TTLL11: variants seen among roughly 807,000 people sequenced by gnomAD.
The protein encoded by TTLL11 is tubulin tyrosine ligase like 11, also known as tubulin polyglutamylase TTLL11.
Under a neutral mutation model 51.7 loss-of-function variants are expected in TTLL11, and 42 were observed. The observed-to-expected ratio is 0.81, with a 90% CI of 0.64 to 1.05. TTLL11 has a LOEUF of 1.05. TTLL11 is among the 50% of genes least tolerant of loss of function. The probability of loss-of-function intolerance (pLI) is 0.00; values close to 1 mark genes in which losing one functional copy is unlikely to be tolerated. For missense variants in TTLL11, 799 were observed against 940.4 expected, an observed-to-expected ratio of 0.85 and a Z score of 1.97; for synonymous variants, 381 against 383.5, an observed-to-expected ratio of 0.99 and a Z score of 0.08.
intron 6 of TTLL11, among the ~76,000 whole-genome samples, chr9:121,896,728 A>T (rs1191324266): frequency 6.6e-6 from 1 of 151,966 alleles, no homozygotes; most frequent in Non-Finnish European, 1.5e-5. Context: ...AGGCGGGAGG[A>T]AGCACCTCCT....
At chr9:121,946,287 C>T (rs936856264) in intron 6 of TTLL11, among the ~76,000 whole-genome samples, 2 of 152,164 alleles carry the variant, frequency 1.3e-5, no homozygotes, top group Admixed American at 6.5e-5. Flanking sequence ...CCGACAGGAG[C>T]TGGGGAATGA....
At chr9:122,056,612 C>T (rs184181626) in intron 1 of TTLL11, among the ~76,000 whole-genome samples, 9 of 152,152 alleles carry the variant, frequency 5.9e-5, no homozygotes, top group Admixed American at 3.9e-4. Flanking sequence ...CATAGAACTG[C>T]GGTGATGATG....
chr9:122,046,654 CA>C (rs1444574113), intron 1 of TTLL11, among the ~76,000 whole-genome samples: 1 of 152,146 alleles, frequency 6.6e-6, no homozygotes, highest in Non-Finnish European at 1.5e-5. Flanking sequence ...ATCTGGTAGT[CA>C]TCTTTCCTTT....
At position 121,982,568 on chromosome 9, in the gene TTLL11, A is replaced by T. The variant is rs1026746073; in HGVS notation, c.1269+6627T>A. Among the ~76,000 whole-genome samples the T allele has an allele frequency of 2.6e-5, 4 of 152,016 alleles. No individual in the cohort carries two copies. In the South Asian group the frequency reaches 6.2e-4, roughly 24 times the overall value. On this transcript the variant is annotated intron_variant, in intron 4 of 8. Transcript: ENST00000321582. ...CCTGTCTCTACTAAAAATATTTTTT[A>T]AAAATTCTCTGGGCGTGGTGGCGGG...
intron 6 of TTLL11, among the ~76,000 whole-genome samples, chr9:121,917,587 GAA>G (rs1840382967): frequency 1.5e-5 from 2 of 132,426 alleles, no homozygotes; most frequent in Admixed American, 8.3e-5. Flanking sequence ...GGAAGGAAAA[GAA>G]GAGAGGGAAA....
intron 6 of TTLL11, among the ~76,000 whole-genome samples, chr9:121,949,258 G>A (rs1371411691): frequency 2.0e-5 from 3 of 152,130 alleles, no homozygotes; most frequent in African/African-American, 7.2e-5. Flanking sequence ...TTATGTACCA[G>A]GCTTGGGATA....
chr9:121,825,438 G>C (rs894572690), intron 8 of TTLL11, among the ~76,000 whole-genome samples: 6 of 152,174 alleles, frequency 3.9e-5, no homozygotes, highest in African/African-American at 1.4e-4. Flanking sequence ...TGTTAATCAT[G>C]GTCCTCATCA....
Position 121,822,642 on chromosome 9 carries a change from G to C in TTLL11, c.2078C>G (p.Pro693Arg), listed in dbSNP as rs769902746. 5.9e-6 allele frequency: 9 copies of C among 1,515,194 alleles called. No individual in the cohort carries two copies. Among genetic ancestry groups the C allele is most frequent in the South Asian group, 2.6e-5 (2 of 77,924 alleles). 93.9% of individuals were successfully genotyped at this position (1,515,194 alleles called of 1,614,324 possible). A position where few individuals can be genotyped will look rare whatever the true frequency, so the allele number is the denominator to read the frequency against. The change falls in exon 9 of 9, where the codon CCA becomes CGA. Residue 693 changes from proline to arginine, a missense_variant. Transcript: ENST00000321582. The surrounding 1 kb of genome is among the most constrained non-coding windows in gnomAD (Gnocchi z 5.8). ...CTTATTGGCACAGCTGGTGCGGGGT[G>C]GGGGGTTGTCCCCTGCTGGCTGGGC... ...PSAQPAGDNP[P>R]PRTSCANKLS...
chr9:122,084,295 GAAGCCGCCAGA>G (rs1047691717), intron 1 of TTLL11, among the ~76,000 whole-genome samples: 1 of 152,074 alleles, frequency 6.6e-6, no homozygotes, highest in Non-Finnish European at 1.5e-5. Context: ...GAGAGGGAAG[GAAGCCGCCAGA>G]AATGCCTGCA....
intron 7 of TTLL11, among the ~76,000 whole-genome samples, chr9:121,870,079 C>T (rs777253253): frequency 1.3e-5 from 2 of 152,026 alleles, no homozygotes; most frequent in East Asian, 3.9e-4. Flanking sequence ...TTAACTTTTC[C>T]CTTCTGAAAC....
chr9:121,895,378 GGTTGTATGATTGTGTGTTTGTGTGA>G (rs1839426158), intron 6 of TTLL11, among the ~76,000 whole-genome samples: 1 of 151,880 alleles, frequency 6.6e-6, no homozygotes, highest in South Asian at 2.1e-4. Context: ...TGTGATGTGC[GGTTGTATGATTGTGTGTTTGTGTGA>G]CTGTGTGTGC....
At chr9:121,837,462 G>A (rs907058637) in intron 8 of TTLL11, among the ~76,000 whole-genome samples, 3 of 152,130 alleles carry the variant, frequency 2.0e-5, no homozygotes, top group Non-Finnish European at 4.4e-5. Flanking sequence ...TTTTCAGGGT[G>A]TTAGGGAACA....
chr9:121,988,876 A>C, intron 4 of TTLL11: 1 of 486,498 alleles, frequency 2.1e-6, no homozygotes, highest in Non-Finnish European at 3.5e-6. Context: ...AAGTGAATGA[A>C]TGAATGAGTA....
At chr9:122,043,728 C>T (rs1322815260) in intron 1 of TTLL11, among the ~76,000 whole-genome samples, 1 of 152,020 alleles carries the variant, frequency 6.6e-6, no homozygotes. Context: ...AAATTAAAAA[C>T]TTTTTTTCAT....
At chr9:121,841,270 G>C (rs961027831) in intron 8 of TTLL11, among the ~76,000 whole-genome samples, 2 of 152,134 alleles carry the variant, frequency 1.3e-5, no homozygotes, top group African/African-American at 4.8e-5. Flanking sequence ...TGGAGATGAG[G>C]CTGGCAAGTC....
intron 6 of TTLL11, among the ~76,000 whole-genome samples, chr9:121,885,823 G>A (rs1457038924): frequency 6.6e-6 from 1 of 152,114 alleles, no homozygotes; most frequent in Admixed American, 6.5e-5. Flanking sequence ...CAAACTCCTG[G>A]CCTCATGCAA....
chr9:122,034,805 C>T (rs1844655143), intron 2 of TTLL11, among the ~76,000 whole-genome samples: 2 of 152,194 alleles, frequency 1.3e-5, no homozygotes, highest in African/African-American at 2.4e-5. Context: ...GCTCTGCTGA[C>T]TTCAGGCCCT....
chr9:121,985,196 C>T (rs927405963), intron 4 of TTLL11, among the ~76,000 whole-genome samples: 22 of 152,212 alleles, frequency 1.4e-4, no homozygotes, highest in African/African-American at 4.6e-4. Context: ...AGGCAACAAG[C>T]GAGAGGGGCT....
In TTLL11 at chr9:121,853,656, G is replaced by A. The variant is rs1837733138; in HGVS notation, c.1840+6681C>T. On this transcript the variant is annotated intron_variant, in intron 8 of 8. Transcript: ENST00000321582. The surrounding 1 kb of genome is among the most constrained non-coding windows in gnomAD (Gnocchi z 5.6). The stretch of plus-strand genomic sequence containing the variant: ...GCCGGCACAGGCCTGTAAGTGATGG[G>A]AGCAGGCAGGGCTCCTGCTTCACAC... 6.6e-6 allele frequency among the ~76,000 whole-genome samples: 1 copy of A among 152,182 alleles called. No individual in the cohort carries two copies.
Sources: gnomAD v4.1 joint callset for allele counts (sites outside exome capture counted in the v4.1 genomes callset) on GRCh38, gnomAD v4.1.1 for gene constraint, Gnocchi (gnomAD v3.1) non-coding constraint, MANE v1.5 for transcripts, NCBI Gene and HGNC (gene_info 2026-07-23, HGNC 2026-07-21) for gene names.